Variants in PCDHGA1 observed in about 807,000 individuals in gnomAD.
PCDHGA1 encodes the protein protocadherin gamma subfamily A, 1, also known as protocadherin gamma-A1.
Under a neutral mutation model 58.0 loss-of-function variants are expected in PCDHGA1, and 32 were observed. The ratio of observed to expected loss-of-function variants is 0.55; its 90% CI spans 0.42 to 0.74. The LOEUF is 0.74. PCDHGA1 is among the 30% of genes least tolerant of loss of function. PCDHGA1 has a pLI of 0.00. For synonymous variants in PCDHGA1, 498 were observed against 501.1 expected (o/e 0.99, Z 0.08); for missense variants, 1,205 against 1,182.3 (o/e 1.02, Z -0.28).
intron 1 of PCDHGA1, chr5:141,383,242 A>C: frequency 1.9e-6 from 3 of 1,613,970 alleles, no homozygotes; most frequent in Non-Finnish European, 2.5e-6. Flanking sequence ...AGATAAAATG[A>C]ATCTTTACCC....
At chr5:141,336,396 A>G (rs1756617301) in intron 1 of PCDHGA1, among the ~76,000 whole-genome samples, 1 of 152,172 alleles carries the variant, frequency 6.6e-6, no homozygotes, top group African/African-American at 2.4e-5. Flanking sequence ...AAAAATAAAA[A>G]ACAAAAGCAA....
chr5:141,361,728 A>T (rs1318637710), intron 1 of PCDHGA1: 3 of 1,613,128 alleles, frequency 1.9e-6, no homozygotes, highest in Non-Finnish European at 2.5e-6. Context: ...TCGAGCTCAC[A>T]CTGCAGGCCC....
chr5:141,358,195 A>G (rs559791322), intron 1 of PCDHGA1, among the ~76,000 whole-genome samples: 1 of 152,198 alleles, frequency 6.6e-6, no homozygotes, highest in East Asian at 1.9e-4. Flanking sequence ...GTCTCCAAAA[A>G]GTAAAATAAA....
At chr5:141,423,761 TG>T in intron 1 of PCDHGA1, 1 of 156,420 alleles carries the variant, frequency 6.4e-6, no homozygotes, top group Non-Finnish European at 9.2e-6. Context: ...GGGGGGGGGG[TG>T]GGGCGGCATA....
intron 1 of PCDHGA1, chr5:141,427,043 G>A: frequency 2.2e-6 from 1 of 457,348 alleles, no homozygotes; most frequent in Non-Finnish European, 4.4e-6. Context: ...GAGAGAATGT[G>A]CCCCCAGGCA....
intron 1 of PCDHGA1, chr5:141,375,613 C>T (rs770657408): frequency 1.2e-6 from 2 of 1,614,226 alleles, no homozygotes; most frequent in Non-Finnish European, 1.7e-6. Context: ...TCAACTCCGA[C>T]ACTGGGATTC....
intron 1 of PCDHGA1, chr5:141,362,503 A>C: frequency 6.2e-7 from 1 of 1,614,050 alleles, no homozygotes; most frequent in South Asian, 1.1e-5. Context: ...TTGGGAACAA[A>C]ATACAAATCA....
intron 1 of PCDHGA1, among the ~76,000 whole-genome samples, chr5:141,402,439 G>C (rs1278186410): frequency 6.6e-6 from 1 of 151,914 alleles, no homozygotes; most frequent in East Asian, 1.9e-4. Context: ...TCATAAAAAG[G>C]AAATTATAAT....
intron 1 of PCDHGA1, chr5:141,351,138 A>G (rs1414604500): frequency 1.9e-6 from 3 of 1,614,024 alleles, no homozygotes; most frequent in East Asian, 2.2e-5. Flanking sequence ...CTCAATCCAA[A>G]TACTGGCGAC....
intron 1 of PCDHGA1, chr5:141,413,152 G>C: frequency 1.3e-6 from 2 of 1,574,694 alleles, no homozygotes; most frequent in Non-Finnish European, 1.7e-6. Flanking sequence ...TGAGGACTTT[G>C]CAGAATTCTG....
chr5:141,382,744 A>G (rs767790688), intron 1 of PCDHGA1: 6 of 592,898 alleles, frequency 1.0e-5, no homozygotes, highest in Non-Finnish European at 1.7e-5. Context: ...GAAACGACAG[A>G]TTGCGATAAG....
At chr5:141,428,003 C>T in intron 1 of PCDHGA1, 1 of 1,601,362 alleles carries the variant, frequency 6.2e-7, no homozygotes, top group East Asian at 2.2e-5. Flanking sequence ...CCGCACTCTT[C>T]GATATAGTGC....
chr5:141,473,850 G>A (rs1490458424), intron 1 of PCDHGA1, among the ~76,000 whole-genome samples: 1 of 152,184 alleles, frequency 6.6e-6, no homozygotes, highest in African/African-American at 2.4e-5. Flanking sequence ...TTAGGAAGAT[G>A]AACCTCGCTA....
At chr5:141,423,169 C>G (rs747206648) in intron 1 of PCDHGA1, 2 of 1,613,460 alleles carry the variant, frequency 1.2e-6, no homozygotes, top group Admixed American at 3.3e-5. Context: ...GGTGGCCGTC[C>G]AGGACCACGG....
chr5:141,496,737 C>T (rs900394639), intron 2 of PCDHGA1, among the ~76,000 whole-genome samples: 9 of 152,168 alleles, frequency 5.9e-5, no homozygotes, highest in African/African-American at 2.2e-4. Context: ...TTCATTCGTT[C>T]ATTTATTCAA....
In PCDHGA1 at chr5:141,489,561, G is replaced by A. The variant is rs1750812409; in HGVS notation, c.2422-5246G>A. 6.2e-7 allele frequency: 1 copy of A among 1,614,106 alleles called. No homozygotes were observed. Among genetic ancestry groups the A allele is most frequent in the Non-Finnish European group, 8.5e-7 (1 of 1,180,026 alleles). On this transcript the variant is annotated intron_variant, in intron 1 of 3. Coordinates refer to ENST00000517417, the MANE Select transcript of PCDHGA1 (RefSeq NM_018912.3). The surrounding 1 kb of genome is among the most constrained non-coding windows in gnomAD (Gnocchi z 4.5). Reference sequence around the variant, plus strand: ...GCACCAGCTGCCTGCTGCCAGTGCAGGTGGTGACTGAACACCCCCTGGAGC... The same window carrying A: ...GCACCAGCTGCCTGCTGCCAGTGCAAGTGGTGACTGAACACCCCCTGGAGC...
At position 141,485,568 on chromosome 5, in the gene PCDHGA1, G is replaced by T. The variant is rs1020556289; in HGVS notation, c.2422-9239G>T. 6.2e-7 allele frequency: 1 copy of T among 1,612,758 alleles called. No homozygotes were observed. Among genetic ancestry groups the T allele is most frequent in the Non-Finnish European group, 8.5e-7 (1 of 1,178,924 alleles). On this transcript the variant is annotated intron_variant, in intron 1 of 3. Coordinates refer to ENST00000517417, the MANE Select transcript of PCDHGA1 (RefSeq NM_018912.3). The surrounding 1 kb of genome is among the most constrained non-coding windows in gnomAD (Gnocchi z 5.7). Reference sequence around the variant, plus strand: ...GTAGATGTGAATGATCACGCCCCCCGTTTTCCGCGGCAGCAGCTGGACTTG... The same window carrying T: ...GTAGATGTGAATGATCACGCCCCCCTTTTTCCGCGGCAGCAGCTGGACTTG...
intron 1 of PCDHGA1, chr5:141,355,582 G>A: frequency 6.2e-7 from 1 of 1,613,982 alleles, no homozygotes; most frequent in East Asian, 2.2e-5. Flanking sequence ...CGATGTTAAT[G>A]ATAACCCACC....
intron 1 of PCDHGA1, chr5:141,420,380 C>T (rs1343046478): frequency 7.7e-7 from 1 of 1,306,574 alleles, no homozygotes; most frequent in Non-Finnish European, 1.0e-6. Flanking sequence ...TCATAGAGTT[C>T]GCAAAATATA....
Sources: gnomAD v4.1 joint callset for allele counts (sites outside exome capture counted in the v4.1 genomes callset) on GRCh38, gnomAD v4.1.1 for gene constraint, Gnocchi (gnomAD v3.1) non-coding constraint, MANE v1.5 for transcripts, NCBI Gene and HGNC (gene_info 2026-07-23, HGNC 2026-07-21) for gene names.